Variants in BMPR1B observed in about 807,000 individuals in gnomAD.
BMPR1B encodes the protein bone morphogenetic protein receptor type-1B.
A neutral mutation model predicts 59.1 loss-of-function variants in BMPR1B; 12 were observed. That is an observed-to-expected ratio of 0.20 (90% CI 0.13 to 0.33). The LOEUF (loss-of-function observed/expected upper bound fraction) is 0.33. Ranked by LOEUF, BMPR1B falls within the 10% of genes least tolerant of loss-of-function variation. The pLI, the probability that BMPR1B is intolerant of heterozygous loss-of-function variation, is 1.00. For synonymous variants in BMPR1B, 237 were observed against 207.3 expected, an observed-to-expected ratio of 1.14 and a Z score of -1.23; for missense variants, 550 against 610.9, an observed-to-expected ratio of 0.90 and a Z score of 1.05.
intron 2 of BMPR1B, among the ~76,000 whole-genome samples, chr4:94,893,823 A>C (rs1202429408): frequency 6.6e-6 from 1 of 151,990 alleles, no homozygotes; most frequent in Non-Finnish European, 1.5e-5. Flanking sequence ...GAGAGAACCC[A>C]CTGCTGCGTG....
At chr4:95,148,000 A>G (rs1734766640) in intron 10 of BMPR1B, among the ~76,000 whole-genome samples, 1 of 152,246 alleles carries the variant, frequency 6.6e-6, no homozygotes, top group Admixed American at 6.5e-5. Flanking sequence ...TAAAATTTTC[A>G]GAAAGTTAAA....
chr4:95,081,070 TAGTG>T (rs1729101322), intron 3 of BMPR1B, among the ~76,000 whole-genome samples: 1 of 152,136 alleles, frequency 6.6e-6, no homozygotes, highest in Non-Finnish European at 1.5e-5. Flanking sequence ...GTTCTTGTGA[TAGTG>T]AGTTCTCATG....
At chr4:95,081,759 G>A (rs999633580) in intron 3 of BMPR1B, among the ~76,000 whole-genome samples, 1 of 151,938 alleles carries the variant, frequency 6.6e-6, no homozygotes, top group Non-Finnish European at 1.5e-5. Context: ...CATATGAAAA[G>A]GCTATTAAAA....
chr4:95,140,320 C>CT (rs1366086056), intron 10 of BMPR1B, among the ~76,000 whole-genome samples: 1 of 151,768 alleles, frequency 6.6e-6, no homozygotes, highest in Admixed American at 6.6e-5. Context: ...GGAAAAAGAA[C>CT]TTTTTTCCTA....
At chr4:94,883,259 A>G (rs935548494) in intron 2 of BMPR1B, among the ~76,000 whole-genome samples, 3 of 152,088 alleles carry the variant, frequency 2.0e-5, no homozygotes, top group Admixed American at 6.6e-5. Flanking sequence ...CTGAAACTAC[A>G]TGCCGGATTT....
In BMPR1B at chr4:95,051,734, A is replaced by G. The variant is rs772207151; in HGVS notation, c.-17-52674A>G. ...CTGGAAGAACTAAACTGGCAGCTTC[A>G]CATTTTCTTGCTCATTCTTCTCTCT... On this transcript the variant is annotated intron_variant, in intron 3 of 12. Coordinates refer to ENST00000515059, the MANE Select transcript of BMPR1B (RefSeq NM_001203.3). 722 of 1,535,476 alleles carry G rather than the reference A, an allele frequency of 4.7e-4. 5 individuals are homozygous for G. Among genetic ancestry groups the G allele is most frequent in the Middle Eastern group, 1.7e-4 (1 of 6,008 alleles).
intron 2 of BMPR1B, among the ~76,000 whole-genome samples, chr4:94,902,261 G>C (rs750683446): frequency 0.12 from 11,543 of 99,558 alleles, 479 homozygotes; most frequent in Non-Finnish European, 0.14. Context: ...GAGAGAGAGA[G>C]AGAGAGAGAG....
At chr4:94,763,803 A>T (rs1721867619) in intron 1 of BMPR1B, among the ~76,000 whole-genome samples, 2 of 152,226 alleles carry the variant, frequency 1.3e-5, no homozygotes, top group Admixed American at 6.5e-5. Context: ...AATTTTATCT[A>T]ACTAGTACAC....
At chr4:94,882,527 A>G (rs1238798286) in intron 2 of BMPR1B, among the ~76,000 whole-genome samples, 7 of 152,214 alleles carry the variant, frequency 4.6e-5, no homozygotes, top group Non-Finnish European at 8.8e-5. Flanking sequence ...ATGTTGTTTC[A>G]TCTTATCTTG....
intron 2 of BMPR1B, among the ~76,000 whole-genome samples, chr4:94,898,492 CTGA>C (rs1369545548): frequency 6.6e-6 from 1 of 151,970 alleles, no homozygotes; most frequent in African/African-American, 2.4e-5. Context: ...CTCATGAGAT[CTGA>C]TGGTTTTACA....
intron 10 of BMPR1B, among the ~76,000 whole-genome samples, chr4:95,148,480 G>T (rs1734804019): frequency 6.6e-6 from 1 of 151,562 alleles, no homozygotes; most frequent in Admixed American, 6.6e-5. Context: ...TGAACCTCTA[G>T]GCTCAAGCTA....
chr4:94,792,834 A>G (rs1323303420), intron 1 of BMPR1B, among the ~76,000 whole-genome samples: 1 of 152,178 alleles, frequency 6.6e-6, no homozygotes, highest in African/African-American at 2.4e-5. Context: ...GTGTTCACCA[A>G]ACACCCTTAG....
intron 10 of BMPR1B, among the ~76,000 whole-genome samples, chr4:95,142,448 C>CT (rs1464402227): frequency 1.3e-5 from 2 of 151,836 alleles, no homozygotes; most frequent in Non-Finnish European, 2.9e-5. Flanking sequence ...CTCATGCCTC[C>CT]TTTTTTTTCC....
chr4:95,124,500 T>C (rs1237341834), intron 7 of BMPR1B, among the ~76,000 whole-genome samples: 1 of 152,106 alleles, frequency 6.6e-6, no homozygotes, highest in Non-Finnish European at 1.5e-5. Context: ...AATTCATTTC[T>C]AATTGAAAAC....
At chr4:95,099,984 A>C (rs1730705045) in intron 3 of BMPR1B, among the ~76,000 whole-genome samples, 1 of 152,188 alleles carries the variant, frequency 6.6e-6, no homozygotes, top group African/African-American at 2.4e-5. Flanking sequence ...CCCAGTTTAA[A>C]TTTAAAATAC....
intron 2 of BMPR1B, among the ~76,000 whole-genome samples, chr4:94,982,995 A>G (rs1341835419): frequency 6.6e-6 from 1 of 151,620 alleles, no homozygotes; most frequent in African/African-American, 2.4e-5. Flanking sequence ...AAAAAAGAAA[A>G]AAAAAAACAA....
rs1331387471 is a variant in BMPR1B, at chr4:94,841,240, G to C, written c.-182-34591G>C. ...TGTTTGTCTGTGCCCTGCCCCCAGA[G>C]GTGGAGCCTACAGAGGCAGGCAGGC... On this transcript the variant is annotated intron_variant, in intron 1 of 12. Coordinates refer to ENST00000515059, the MANE Select transcript of BMPR1B (RefSeq NM_001203.3). Among the ~76,000 whole-genome samples the C allele has an allele frequency of 2.7e-5, 4 of 148,466 alleles. 1 individual carries two copies. The highest frequency in any genetic ancestry group is 1.5e-5 in the Non-Finnish European group (1 of 66,456).
intron 2 of BMPR1B, among the ~76,000 whole-genome samples, chr4:94,899,798 A>C (rs1028206753): frequency 6.6e-6 from 1 of 152,152 alleles, no homozygotes; most frequent in South Asian, 2.1e-4. Context: ...TTCCTTTTGA[A>C]ATGGGAATGT....
chr4:94,912,064 G>A (rs1728293782), intron 2 of BMPR1B, among the ~76,000 whole-genome samples: 1 of 152,100 alleles, frequency 6.6e-6, no homozygotes, highest in Non-Finnish European at 1.5e-5. Context: ...GTCTTACATG[G>A]ATGGCAGCAG....
Sources: allele counts gnomAD v4.1 joint callset (sites outside exome capture counted in the v4.1 genomes callset), GRCh38; gene constraint gnomAD v4.1.1; transcripts MANE v1.5; gene names NCBI Gene and HGNC (gene_info 2026-07-23, HGNC 2026-07-21).